DPP6: variants seen among roughly 807,000 people sequenced by gnomAD.
The protein encoded by DPP6 is A-type potassium channel modulatory protein DPP6.
DPP6 carries 69 observed loss-of-function variants against 122.6 expected under a neutral mutation model. The ratio of observed to expected loss-of-function variants is 0.56; its 90% CI spans 0.46 to 0.69. DPP6 has a LOEUF of 0.69. DPP6 is among the 30% of genes least tolerant of loss of function. The probability of loss-of-function intolerance (pLI) is 0.00; values close to 1 mark genes in which losing one functional copy is unlikely to be tolerated. For synonymous variants in DPP6, 418 were observed against 433.1 expected (o/e 0.97, Z 0.43); for missense variants, 928 against 1,116.9 (o/e 0.83, Z 2.41).
rs1189796112 is a variant in DPP6 at position 154,604,090 on chromosome 7, C to T, written c.628-33731C>T. On this transcript the variant is annotated intron_variant, in intron 5 of 25. Transcript: ENST00000377770. ...TTCCGTGTGTTTTTCTTCTAAAAGT[C>T]ATACATTTTGTTTGGGTCCATAATC... 2.5e-5 allele frequency among the ~76,000 whole-genome samples: 3 copies of T among 120,736 alleles called. 1 individual carries two copies. The highest frequency in any genetic ancestry group is 6.8e-4 in the South Asian group (2 of 2,940). The allele number at this position is 120,736 out of a possible 152,430, so 79.2% of individuals were successfully genotyped here. A position where few individuals can be genotyped will look rare whatever the true frequency, so the allele number is the denominator to read the frequency against.
chr7:153,772,807 TATC>T, the DPP6 span, among the ~76,000 whole-genome samples: 1 of 148,686 alleles, frequency 6.7e-6, no homozygotes, highest in Non-Finnish European at 1.5e-5. Flanking sequence ...GTTATATTAA[TATC>T]ATATACAAGA....
At chr7:154,133,645 A>C (rs1470416501) in intron 1 of DPP6, among the ~76,000 whole-genome samples, 1 of 152,192 alleles carries the variant, frequency 6.6e-6, no homozygotes, top group Non-Finnish European at 1.5e-5. Flanking sequence ...TAAACCGAGA[A>C]AAATGTGTGT....
chr7:154,681,523 A>C (rs547152939), intron 7 of DPP6, among the ~76,000 whole-genome samples: 1 of 152,328 alleles, frequency 6.6e-6, no homozygotes, highest in Admixed American at 6.5e-5. Context: ...CGGCCATGGC[A>C]GATCCTGTTT....
chr7:154,299,706 T>C lies in DPP6; in HGVS notation c.244-146508T>C, dbSNP rs541685385. Reference sequence around the variant, plus strand: ...AACTCACAATTTAAAGACATTTTGATCTCTACCTTCCTGAGCAAATCAGCC... The same window carrying C: ...AACTCACAATTTAAAGACATTTTGACCTCTACCTTCCTGAGCAAATCAGCC... On this transcript the variant is annotated intron_variant, in intron 1 of 25. Coordinates refer to ENST00000377770, the MANE Select transcript of DPP6 (RefSeq NM_130797.4). 7.2e-5 allele frequency among the ~76,000 whole-genome samples: 11 copies of C among 152,320 alleles called. No individual in the cohort carries two copies. In the South Asian group the frequency reaches 2.3e-3, roughly 32 times the overall value.
chr7:154,343,700 C>A (rs1262921115), intron 1 of DPP6, among the ~76,000 whole-genome samples: 1 of 152,258 alleles, frequency 6.6e-6, no homozygotes, highest in East Asian at 1.9e-4. Flanking sequence ...CCGGCCTCAG[C>A]CTCCTGAGCA....
Position 154,843,848 on chromosome 7 carries a change from G to A in DPP6, c.1667-9932G>A, listed in dbSNP as rs555210823. Among the ~76,000 whole-genome samples, 78 of 152,300 alleles carry A rather than the reference G, an allele frequency of 5.1e-4. 1 individual carries two copies. Among genetic ancestry groups the A allele is most frequent in the Middle Eastern group, 6.8e-3 (2 of 294 alleles). On this transcript the variant is annotated intron_variant, in intron 16 of 25. Transcript: ENST00000377770. The stretch of plus-strand genomic sequence containing the variant: ...CATAGACCTCTGAACCATGGACCGC[G>A]TCTGGTGGTTGTACTGGCCACATGG...
intron 1 of DPP6, among the ~76,000 whole-genome samples, chr7:153,963,639 G>A (rs182276071): frequency 7.2e-5 from 11 of 152,248 alleles, no homozygotes; most frequent in African/African-American, 2.6e-4. Context: ...CCTCCTGTCA[G>A]ATCAGAGGTG....
chr7:154,453,869 C>T (rs1214046450), intron 2 of DPP6, among the ~76,000 whole-genome samples: 1 of 152,126 alleles, frequency 6.6e-6, no homozygotes, highest in African/African-American at 2.4e-5. Context: ...GATTGTACTG[C>T]TACCCAATTT....
At chr7:154,736,135 C>T (rs376469509) in intron 8 of DPP6, among the ~76,000 whole-genome samples, 14 of 152,318 alleles carry the variant, frequency 9.2e-5, no homozygotes, top group African/African-American at 3.4e-4. Context: ...AAGTGTATGC[C>T]CTCACTTGCC....
chr7:154,300,193 C>T (rs1190160269), intron 1 of DPP6, among the ~76,000 whole-genome samples: 1 of 152,210 alleles, frequency 6.6e-6, no homozygotes, highest in Admixed American at 6.5e-5. Context: ...GGTGGGCCTG[C>T]CCCCATGCCC....
At position 154,548,707 on chromosome 7, in the gene DPP6, T is replaced by C. The variant is rs576852700; in HGVS notation, c.552+8081T>C. On this transcript the variant is annotated intron_variant, in intron 4 of 25. Coordinates refer to ENST00000377770, the MANE Select transcript of DPP6 (RefSeq NM_130797.4). ...GCAAGGCCCTGACTAGACATGGTGG[T>C]GGGTGGATACAGTGATTAATAAAAA... is the stretch of plus-strand genomic sequence containing the variant. Among the ~76,000 whole-genome samples the C allele has an allele frequency of 3.3e-5, 5 of 152,158 alleles. No homozygotes were observed. In the East Asian group the frequency reaches 9.7e-4, roughly 29 times the overall value.
At chr7:154,532,738 T>A (rs1396959313) in intron 3 of DPP6, among the ~76,000 whole-genome samples, 1 of 151,886 alleles carries the variant, frequency 6.6e-6, no homozygotes, top group East Asian at 1.9e-4. Context: ...GCATATTTTT[T>A]AAATTAATAT....
intron 20 of DPP6, 23 bp downstream of exon 20, chr7:154,876,123 G>C: frequency 6.5e-7 from 1 of 1,549,534 alleles, no homozygotes; most frequent in Non-Finnish European, 8.7e-7. Flanking sequence ...CCAGGAAGCA[G>C]GAGAGGCCGG....
chr7:154,476,187 T>C (rs532680124), intron 3 of DPP6, among the ~76,000 whole-genome samples: 2 of 152,328 alleles, frequency 1.3e-5, no homozygotes, highest in East Asian at 3.9e-4. Flanking sequence ...ACCCTTAGAT[T>C]AGCTTATTTA....
intron 1 of DPP6, among the ~76,000 whole-genome samples, chr7:154,413,785 A>C (rs552127368): frequency 6.2e-4 from 95 of 152,302 alleles, no homozygotes; most frequent in African/African-American, 2.1e-3. Context: ...TGAGAATCAA[A>C]ATTCCCAGTG....
intron 1 of DPP6, among the ~76,000 whole-genome samples, chr7:154,389,414 TCAA>T (rs1814415939): frequency 6.6e-6 from 1 of 151,648 alleles, no homozygotes; most frequent in Non-Finnish European, 1.5e-5. Context: ...TTTCATCAGC[TCAA>T]CAAGTGCTTC....
At chr7:154,699,624 G>A (rs3778727) in intron 7 of DPP6, among the ~76,000 whole-genome samples, 9,398 of 152,262 alleles carry the variant, frequency 0.062, 713 homozygotes, top group East Asian at 0.23. Flanking sequence ...CCAGACAGCC[G>A]GGCCCCTGTG....
chr7:154,647,362 A>G (rs932327810), intron 6 of DPP6, among the ~76,000 whole-genome samples: 1 of 152,246 alleles, frequency 6.6e-6, no homozygotes, highest in Non-Finnish European at 1.5e-5. Context: ...TGAATATGCC[A>G]GTAAAGTTTC....
At chr7:154,840,987 T>C (rs1472617731) in intron 16 of DPP6, among the ~76,000 whole-genome samples, 1 of 152,160 alleles carries the variant, frequency 6.6e-6, no homozygotes, top group African/African-American at 2.4e-5. Context: ...TGCAAAGTTG[T>C]ACAAAATAGA....
Sources: gnomAD v4.1 joint callset for allele counts (sites outside exome capture counted in the v4.1 genomes callset) on GRCh38, gnomAD v4.1.1 for gene constraint, MANE v1.5 for transcripts, NCBI Gene and HGNC (gene_info 2026-07-23, HGNC 2026-07-21) for gene names.